CACNA2D1: variants seen among roughly 807,000 people sequenced by gnomAD.
CACNA2D1 encodes calcium voltage-gated channel auxiliary subunit alpha2delta 1.
CACNA2D1 carries 53 observed loss-of-function variants against 171.5 expected under a neutral mutation model. The observed-to-expected ratio is 0.31, with a 90% CI of 0.25 to 0.39. CACNA2D1 has a LOEUF of 0.39. Among genes scored for constraint, CACNA2D1 ranks in the 10% least tolerant of loss-of-function variants. CACNA2D1 has a pLI of 1.00. For missense variants in CACNA2D1, 903 were observed against 1,299.8 expected (o/e 0.69, Z 4.69); for synonymous variants, 442 against 443.1 (o/e 1.00, Z 0.03).
intron 3 of CACNA2D1, among the ~76,000 whole-genome samples, chr7:82,280,032 C>T (rs3801702): frequency 0.69 from 104,348 of 151,986 alleles, 37,164 homozygotes; most frequent in African/African-American, 0.88. Context: ...AAAAAAGGCA[C>T]AGTGATTACA....
chr7:81,968,693 T>C (rs1305933832), intron 29 of CACNA2D1, among the ~76,000 whole-genome samples, 194 bp downstream of exon 29: 1 of 151,414 alleles, frequency 6.6e-6, no homozygotes, highest in Non-Finnish European at 1.5e-5. Context: ...CTCAAATCTA[T>C]GTAGTATCAA....
At chr7:82,243,415 G>A (rs937320273) in intron 3 of CACNA2D1, among the ~76,000 whole-genome samples, 1 of 152,138 alleles carries the variant, frequency 6.6e-6, no homozygotes, top group Non-Finnish European at 1.5e-5. Context: ...GTTGACATAT[G>A]ATTGACTCTT....
intron 21 of CACNA2D1, among the ~76,000 whole-genome samples, chr7:81,988,666 C>T (rs137897985): frequency 2.6e-4 from 40 of 152,244 alleles, no homozygotes; most frequent in African/African-American, 9.4e-4. Context: ...GTTCTGTACA[C>T]CACTATATGA....
At chr7:82,110,917 G>A (rs546893261) in intron 6 of CACNA2D1, among the ~76,000 whole-genome samples, 126 of 151,962 alleles carry the variant, frequency 8.3e-4, no homozygotes, top group African/African-American at 2.9e-3. Flanking sequence ...TATTTTAATT[G>A]TTTGTTTTAC....
chr7:82,118,363 T>G (rs1789321991), intron 5 of CACNA2D1, among the ~76,000 whole-genome samples: 1 of 152,152 alleles, frequency 6.6e-6, no homozygotes. Context: ...CTAACTGTAT[T>G]TGTTTTTAAA....
chr7:81,988,574 G>C (rs1797208152), intron 21 of CACNA2D1, among the ~76,000 whole-genome samples: 1 of 152,102 alleles, frequency 6.6e-6, no homozygotes, highest in African/African-American at 2.4e-5. Flanking sequence ...GAGAGAAATA[G>C]TTGAGTTCAC....
chr7:82,194,288 C>A (rs2129191902), intron 3 of CACNA2D1, among the ~76,000 whole-genome samples: 1 of 152,088 alleles, frequency 6.6e-6, no homozygotes. Flanking sequence ...CTCAACCCCA[C>A]CCTTGAAGAT....
At chr7:82,089,294 T>C (rs1444033971) in intron 6 of CACNA2D1, among the ~76,000 whole-genome samples, 3 of 152,192 alleles carry the variant, frequency 2.0e-5, no homozygotes, top group African/African-American at 7.2e-5. Context: ...TTGAACCTAC[T>C]ACCAGTTGCT....
At chr7:82,222,724 T>A (rs895805743) in intron 3 of CACNA2D1, among the ~76,000 whole-genome samples, 2 of 128,496 alleles carry the variant, frequency 1.6e-5, no homozygotes, top group African/African-American at 5.0e-5. Context: ...AGGGCAGGAA[T>A]CTTTTCTTTT....
intron 1 of CACNA2D1, among the ~76,000 whole-genome samples, chr7:82,365,687 G>A (rs1821613686): frequency 6.6e-6 from 1 of 152,176 alleles, no homozygotes; most frequent in Non-Finnish European, 1.5e-5. Flanking sequence ...ACGCTTTTGA[G>A]CCTTTCCATG....
chr7:82,233,909 A>G (rs1803248923), intron 3 of CACNA2D1, among the ~76,000 whole-genome samples: 1 of 152,126 alleles, frequency 6.6e-6, no homozygotes, highest in Admixed American at 6.5e-5. Context: ...TTCTAAGTAT[A>G]TAAAGTTGTT....
chr7:82,418,614 T>C (rs934957643), intron 1 of CACNA2D1, among the ~76,000 whole-genome samples: 16 of 152,192 alleles, frequency 1.1e-4, no homozygotes, highest in African/African-American at 3.6e-4. Flanking sequence ...CTCACCAATG[T>C]AGACAGTGAC....
At chr7:82,059,463 A>C (rs1806337362) in intron 10 of CACNA2D1, among the ~76,000 whole-genome samples, 3 of 152,018 alleles carry the variant, frequency 2.0e-5, no homozygotes, top group African/African-American at 4.8e-5. Flanking sequence ...ATATGTGTCC[A>C]AGATGAAATG....
chr7:81,991,844 T>G (rs1209330027), intron 20 of CACNA2D1, among the ~76,000 whole-genome samples: 2 of 151,904 alleles, frequency 1.3e-5, no homozygotes, highest in Admixed American at 6.6e-5. Context: ...TATAATTTTT[T>G]TTTTTTTTTA....
chr7:82,178,217 A>G (rs757924415), intron 3 of CACNA2D1, among the ~76,000 whole-genome samples: 8 of 152,138 alleles, frequency 5.3e-5, no homozygotes, highest in Non-Finnish European at 7.4e-5. Context: ...CTGATCTGCC[A>G]TATTCATGAA....
chr7:82,255,654 T>C (rs1386226599), intron 3 of CACNA2D1, among the ~76,000 whole-genome samples: 1 of 152,148 alleles, frequency 6.6e-6, no homozygotes, highest in Admixed American at 6.6e-5. Context: ...AGGCCTTAGA[T>C]TGACATAAGA....
At chr7:82,187,657 A>C (rs897284739) in intron 3 of CACNA2D1, among the ~76,000 whole-genome samples, 1 of 152,202 alleles carries the variant, frequency 6.6e-6, no homozygotes, top group African/African-American at 2.4e-5. Flanking sequence ...ACTTGGTTTA[A>C]TCAATTAAAT....
At chr7:81,989,626 G>A (rs1797328281) in intron 21 of CACNA2D1, among the ~76,000 whole-genome samples, 1 of 152,170 alleles carries the variant, frequency 6.6e-6, no homozygotes, top group Admixed American at 6.5e-5. Flanking sequence ...GCCCACTTGA[G>A]GTTAGAGGTC....
At chr7:82,334,658 G>A (rs1817768682) in intron 3 of CACNA2D1, among the ~76,000 whole-genome samples, 1 of 152,002 alleles carries the variant, frequency 6.6e-6, no homozygotes, top group Non-Finnish European at 1.5e-5. Context: ...AAGCATTTTT[G>A]TGAGGGAAAA....
Sources: gnomAD v4.1 joint callset for allele counts (sites outside exome capture counted in the v4.1 genomes callset) on GRCh38, gnomAD v4.1.1 for gene constraint, MANE v1.5 for transcripts, NCBI Gene and HGNC (gene_info 2026-07-23, HGNC 2026-07-21) for gene names.